BMP2K: variants seen among roughly 807,000 people sequenced by gnomAD.
The protein encoded by BMP2K is BMP-2-inducible protein kinase.
Under a neutral mutation model 116.0 loss-of-function variants are expected in BMP2K, and 74 were observed. The observed-to-expected ratio is 0.64, with a 90% CI of 0.53 to 0.77. The LOEUF (loss-of-function observed/expected upper bound fraction) is 0.77, where lower values mean the gene tolerates loss of function less well. Among genes scored for constraint, BMP2K ranks in the 30% least tolerant of loss-of-function variants. The pLI is 0.00. For synonymous variants in BMP2K, 486 were observed against 502.5 expected (o/e 0.97, Z 0.44); for missense variants, 1,365 against 1,403.6 (o/e 0.97, Z 0.44).
chr4:78,892,678 A>G (rs180755802), intron 15 of BMP2K, among the ~76,000 whole-genome samples: 25 of 152,344 alleles, frequency 1.6e-4, no homozygotes, highest in Admixed American at 1.2e-3. Context: ...GACCACTACA[A>G]AAAGTGAATA....
At position 78,853,821 on chromosome 4, in the gene BMP2K, A is replaced by T. The variant is rs78806302; in HGVS notation, c.883+2765A>T. On this transcript the variant is annotated intron_variant, in intron 7 of 15. Transcript: ENST00000502613. ...AAATGAAAGCTGAAAAGTGCTTTTT[A>T]GTAAGAGATAGCCTTTAATACTATA... Among the ~76,000 whole-genome samples, 651 of 152,314 alleles carry T rather than the reference A, an allele frequency of 4.3e-3. 7 individuals are homozygous for T. The highest frequency in any genetic ancestry group is 0.015 in the African/African-American group (608 of 41,586).
chr4:78,868,146 C>T (rs1732145623), intron 10 of BMP2K, among the ~76,000 whole-genome samples: 1 of 152,090 alleles, frequency 6.6e-6, no homozygotes, highest in Non-Finnish European at 1.5e-5. Context: ...TAAAGACATT[C>T]CAGAAACTGG....
intron 15 of BMP2K, 68 bp downstream of exon 15, chr4:78,887,352 A>G: frequency 8.6e-7 from 1 of 1,162,560 alleles, no homozygotes; most frequent in Non-Finnish European, 1.3e-6. Context: ...AAAATCTTAT[A>G]AAGTGGAAGT....
chr4:78,859,675 C>G lies in BMP2K; in HGVS notation c.975C>G (p.Val325=), dbSNP rs751858465. The change falls in exon 8 of 16, where the codon GTC becomes GTG. Residue 325 remains valine (V), a synonymous_variant. Coordinates refer to ENST00000502613, the MANE Select transcript of BMP2K (RefSeq NM_198892.2). The stretch of plus-strand genomic sequence containing the variant: ...AATTTGCCAAAAAGGATTGTCCAGT[C>G]TCCAACATCAATGTAAGTAGATTTT... ...AFKFAKKDCP[V]SNINNSSIPS... 3 of 1,588,070 alleles carry G rather than the reference C, an allele frequency of 1.9e-6. No homozygotes were observed. Among genetic ancestry groups the G allele is most frequent in the Admixed American group, 3.4e-5 (2 of 59,436 alleles).
rs1732009148 is a variant in BMP2K, at chr4:78,865,624, G to C, written c.1135G>C (p.Ala379Pro). 1 of 1,614,110 alleles carries C rather than the reference G, an allele frequency of 6.2e-7. No homozygotes were observed. Among genetic ancestry groups the C allele is most frequent in the Non-Finnish European group, 8.5e-7 (1 of 1,179,996 alleles). ...APRQRPKANSATTATPSVLTI... is the reference protein window; with the variant it reads ...APRQRPKANSPTTATPSVLTI... ...AAGACAAAGACCAAAGGCCAACTCT[G>C]CTACTACTGCCACTCCCAGTGTGCT... The change falls in exon 10 of 16, where the codon GCT (alanine) becomes CCT (proline). Residue 379 changes from alanine to proline, a missense_variant. By Grantham distance (27) the Ala-to-Pro change is conservative. Transcript: ENST00000502613.
chr4:78,779,674 G>A (rs1042639481), intron 1 of BMP2K, among the ~76,000 whole-genome samples: 2 of 152,182 alleles, frequency 1.3e-5, no homozygotes, highest in East Asian at 1.9e-4. Context: ...CTAATGAGGA[G>A]CAACCTTTGT....
chr4:78,864,257 G>A (rs952461842), intron 9 of BMP2K, among the ~76,000 whole-genome samples: 2 of 152,096 alleles, frequency 1.3e-5, no homozygotes, highest in Admixed American at 1.3e-4. Context: ...TAAAGAGAGA[G>A]ATTGTGTACA....
intron 1 of BMP2K, among the ~76,000 whole-genome samples, chr4:78,821,788 A>T (rs1203999735): frequency 6.6e-6 from 1 of 152,156 alleles, no homozygotes; most frequent in Non-Finnish European, 1.5e-5. Context: ...ATGCCAGAGG[A>T]ACTGTGGGAA....
intron 8 of BMP2K, among the ~76,000 whole-genome samples, chr4:78,860,267 C>G (rs1342073210): frequency 6.6e-6 from 1 of 151,696 alleles, no homozygotes; most frequent in Non-Finnish European, 1.5e-5. Context: ...ATACTAAAAG[C>G]CCAGACTTCA....
chr4:78,826,333 C>A (rs1161479443), intron 2 of BMP2K, among the ~76,000 whole-genome samples, 178 bp downstream of exon 2: 1 of 152,092 alleles, frequency 6.6e-6, no homozygotes, highest in African/African-American at 2.4e-5. Flanking sequence ...TCCCAAGTAG[C>A]CAGGATTACA....
chr4:78,872,469 A>G, intron 12 of BMP2K, 145 bp from the exon 13 acceptor site: 1 of 681,336 alleles, frequency 1.5e-6, no homozygotes, highest in Admixed American at 3.1e-5. Context: ...GTTTTCTAGT[A>G]ATAGAGCTGC....
chr4:78,867,470 C>T (rs924647859), intron 10 of BMP2K, among the ~76,000 whole-genome samples: 8 of 152,004 alleles, frequency 5.3e-5, no homozygotes, highest in African/African-American at 1.2e-4. Flanking sequence ...TGTCAGGGGC[C>T]GTGTTTCTCT....
rs191135366 is a variant in BMP2K at position 78,911,353 on chromosome 4, C to A, written c.2806C>A (p.Pro936Thr). The change falls in exon 16 of 16, where the codon CCA becomes ACA. Residue 936 changes from proline to threonine, a missense_variant. By Grantham distance (38) the Pro-to-Thr change is conservative (BLOSUM62 -1). Transcript: ENST00000502613. ...AAGTGTAGATGTATTTGGCTCCACT[C>A]CATTTCAGCCCTTCCTCACATCAAC... ...PKSVDVFGST[P>T]FQPFLTSTSK... 1.5e-5 allele frequency: 25 copies of A among 1,613,674 alleles called. No individual in the cohort carries two copies. Among genetic ancestry groups the A allele is most frequent in the Admixed American group, 3.3e-5 (2 of 60,008 alleles).
chr4:78,828,320 A>G (rs1729977740), intron 2 of BMP2K, among the ~76,000 whole-genome samples: 1 of 152,228 alleles, frequency 6.6e-6, no homozygotes, highest in African/African-American at 2.4e-5. Flanking sequence ...AGTGATGCAT[A>G]GGGTATGAGG....
At chr4:78,811,277 A>G (rs1017725392) in intron 1 of BMP2K, among the ~76,000 whole-genome samples, 1 of 152,238 alleles carries the variant, frequency 6.6e-6, no homozygotes, top group Admixed American at 6.5e-5. Context: ...TGAATTACAA[A>G]TGAGGAGGCT....
At chr4:78,877,780 T>C (rs752719678) in intron 13 of BMP2K, among the ~76,000 whole-genome samples, 88 of 152,224 alleles carry the variant, frequency 5.8e-4, no homozygotes, top group Non-Finnish European at 9.1e-4. Context: ...CCAGTAGGTG[T>C]GTTCAAATCA....
At position 78,871,887 on chromosome 4, in the gene BMP2K, A is replaced by G; in HGVS notation, c.1547A>G (p.Gln516Arg). 6.2e-7 allele frequency: 1 copy of G among 1,613,278 alleles called. No individual in the cohort carries two copies. Among genetic ancestry groups the G allele is most frequent in the Non-Finnish European group, 8.5e-7 (1 of 1,179,588 alleles). ...ACACAGCAGCAACAGATGCTTCAAC[A>G]ACAATTTTTAATGCATTCGGTATAT... is the stretch of plus-strand genomic sequence containing the variant. The part of the protein sequence containing the change: ...HATQQQQMLQ[Q>R]QFLMHSVYQP... The change falls in exon 12 of 16, where the codon CAA (glutamine) becomes CGA (arginine). Residue 516 changes from glutamine (Q) to arginine (R), a missense_variant. Gln to Arg is a conservative substitution (Grantham distance 43). Transcript: ENST00000502613.
At chr4:78,821,972 A>G (rs1267679193) in intron 1 of BMP2K, among the ~76,000 whole-genome samples, 1 of 152,250 alleles carries the variant, frequency 6.6e-6, no homozygotes, top group African/African-American at 2.4e-5. Flanking sequence ...GAAGGAATAA[A>G]TAATGGCTTA....
chr4:78,824,452 A>C (rs1379438138), intron 1 of BMP2K, among the ~76,000 whole-genome samples: 2 of 152,206 alleles, frequency 1.3e-5, no homozygotes, highest in Non-Finnish European at 2.9e-5. Flanking sequence ...TATGCAGGGC[A>C]AATCCCATTT....
Sources: allele counts gnomAD v4.1 joint callset (sites outside exome capture counted in the v4.1 genomes callset), GRCh38; gene constraint gnomAD v4.1.1; transcripts MANE v1.5; gene names NCBI Gene and HGNC (gene_info 2026-07-23, HGNC 2026-07-21).